The following SCFD1 variants were observed in gnomAD, a reference collection of about 807,000 sequenced individuals.
The protein encoded by SCFD1 is sec1 family domain-containing protein 1.
SCFD1 carries 37 observed loss-of-function variants against 103.2 expected under a neutral mutation model. The ratio of observed to expected loss-of-function variants is 0.36; its 90% CI spans 0.28 to 0.47. The LOEUF (loss-of-function observed/expected upper bound fraction) is 0.47, where lower values mean the gene tolerates loss of function less well. Ranked by LOEUF, SCFD1 falls within the 20% of genes least tolerant of loss-of-function variation. SCFD1 has a pLI of 1.00. For synonymous variants in SCFD1, 264 were observed against 245.0 expected, an observed-to-expected ratio of 1.08 and a Z score of -0.73; for missense variants, 639 against 761.2, an observed-to-expected ratio of 0.84 and a Z score of 1.89.
intron 3 of SCFD1, 141 bp from the exon 4 acceptor site, chr14:30,633,806 A>C (rs229154): frequency 0.42 from 197,430 of 471,410 alleles, 47,303 homozygotes; most frequent in African/African-American, 0.79. Context: ...TGGGAGAAAG[A>C]TAGGTTAACT....
intron 16 of SCFD1, among the ~76,000 whole-genome samples, chr14:30,701,922 T>A (rs919381215): frequency 3.3e-5 from 5 of 152,186 alleles, no homozygotes; most frequent in Non-Finnish European, 7.3e-5. Flanking sequence ...TCAGTTGGTG[T>A]CATTCCTCTT....
chr14:30,651,595 C>T (rs964369890), intron 9 of SCFD1, among the ~76,000 whole-genome samples: 1 of 150,848 alleles, frequency 6.6e-6, no homozygotes, highest in African/African-American at 2.5e-5. Context: ...GAACCAACCA[C>T]TGTGTCATAT....
chr14:30,644,226 C>T (rs1416775433), intron 7 of SCFD1, among the ~76,000 whole-genome samples: 1 of 152,192 alleles, frequency 6.6e-6, no homozygotes, highest in African/African-American at 2.4e-5. Flanking sequence ...ATGTGTATCA[C>T]AAATTGTTTA....
At chr14:30,678,527 A>G (rs1478373449) in intron 14 of SCFD1, among the ~76,000 whole-genome samples, 1 of 152,206 alleles carries the variant, frequency 6.6e-6, no homozygotes. Context: ...TACAAATGCA[A>G]CTTTCCCACT....
Position 30,628,094 on chromosome 14 carries a change from A to G in SCFD1, c.62-115A>G, listed in dbSNP as rs148553134. 1.2e-3 allele frequency: 812 copies of G among 653,512 alleles called. 6 individuals are homozygous for G. The African/African-American group carries it at 0.013, about 11-fold the overall frequency. 40.5% of individuals were successfully genotyped at this position (653,512 alleles called of 1,614,324 possible). On this transcript the variant is annotated intron_variant, in intron 1 of 24. Coordinates refer to ENST00000458591, the MANE Select transcript of SCFD1 (RefSeq NM_016106.4). ...TTCTACACATATAGTCATTTGGTTA[A>G]TCAGTTTTACTAGAGTTGATTAGTT... is the stretch of plus-strand genomic sequence containing the variant.
rs115440643 is a variant in SCFD1, at chr14:30,708,826, A to C, written c.1629+761A>C. Among the ~76,000 whole-genome samples the C allele has an allele frequency of 5.2e-3, 789 of 152,174 alleles. 8 individuals carry two copies. The highest frequency in any genetic ancestry group is 0.017 in the African/African-American group (725 of 41,520). ...CGCATTTTCTTTCTTTTAGTCCTTC[A>C]TTTTGTATATAGGACACTTTTAAAT... On this transcript the variant is annotated intron_variant, in intron 19 of 24. Transcript: ENST00000458591.
chr14:30,710,678 T>C (rs1891809306), intron 19 of SCFD1, among the ~76,000 whole-genome samples: 1 of 152,166 alleles, frequency 6.6e-6, no homozygotes, highest in Non-Finnish European at 1.5e-5. Context: ...GTAAAGAGTC[T>C]CTAGAAATAT....
At chr14:30,673,461 A>G in intron 12 of SCFD1, 114 bp downstream of exon 12, 1 of 515,200 alleles carries the variant, frequency 1.9e-6, no homozygotes, top group Non-Finnish European at 3.5e-6. Flanking sequence ...TGCTTTTATA[A>G]CAAAAATATT....
At chr14:30,630,610 A>G in intron 3 of SCFD1, 45 bp downstream of exon 3, 1 of 1,143,654 alleles carries the variant, frequency 8.7e-7, no homozygotes, top group Non-Finnish European at 1.3e-6. Flanking sequence ...TTTAAAGAAC[A>G]TTTATAGAGA....
At position 30,639,763 on chromosome 14, in the gene SCFD1, T is replaced by A. The variant is rs747267151; in HGVS notation, c.436-14T>A. Reference sequence around the variant, plus strand: ...TTGTAAGATTGATTTGTAAACCTTTTCTTTTGTTTCTAGGTTTTTGACCAA... The same window carrying A: ...TTGTAAGATTGATTTGTAAACCTTTACTTTTGTTTCTAGGTTTTTGACCAA... On this transcript the variant is annotated splice_polypyrimidine_tract_variant and intron_variant, in intron 5 of 24. Coordinates refer to ENST00000458591, the MANE Select transcript of SCFD1 (RefSeq NM_016106.4). 1 of 1,560,128 alleles carries A rather than the reference T, an allele frequency of 6.4e-7. No homozygotes were observed. The highest frequency in any genetic ancestry group is 2.0e-5 in the Admixed American group (1 of 50,604).
At chr14:30,644,459 C>T (rs1885604786) in intron 7 of SCFD1, among the ~76,000 whole-genome samples, 1 of 152,176 alleles carries the variant, frequency 6.6e-6, no homozygotes, top group African/African-American at 2.4e-5. Context: ...AATTTACATT[C>T]CTACCAACAG....
In SCFD1 at chr14:30,700,186, A is replaced by C; in HGVS notation, c.1340-2A>C. ...TTTTTTAACCTCTTTTCCCCTATGC[A>C]GCAGGAACTCCAGAAGATAAAATGA... On this transcript the variant is annotated splice_acceptor_variant, in intron 15 of 24. Coordinates refer to ENST00000458591, the MANE Select transcript of SCFD1 (RefSeq NM_016106.4). LOFTEE classifies it high-confidence loss of function. The C allele has an allele frequency of 6.2e-7, 1 of 1,605,628 alleles. No homozygotes were observed. The highest frequency in any genetic ancestry group is 1.7e-5 in the Admixed American group (1 of 59,876).
intron 19 of SCFD1, among the ~76,000 whole-genome samples, chr14:30,713,460 GA>G (rs1892039614): frequency 6.6e-6 from 1 of 152,090 alleles, no homozygotes; most frequent in Non-Finnish European, 1.5e-5. Context: ...AATTTTGCTG[GA>G]AAGAAATTTT....
intron 16 of SCFD1, 137 bp from the exon 17 acceptor site, chr14:30,702,159 A>T (rs1362299926): frequency 3.7e-6 from 2 of 536,508 alleles, no homozygotes; most frequent in African/African-American, 2.0e-5. Flanking sequence ...CTCACTTAAG[A>T]CGTGACTCCA....
chr14:30,710,209 A>G (rs1321534924), intron 19 of SCFD1, among the ~76,000 whole-genome samples: 1 of 151,918 alleles, frequency 6.6e-6, no homozygotes, highest in African/African-American at 2.4e-5. Flanking sequence ...TGTTTTTTTA[A>G]TATTGCAAAT....
At chr14:30,715,710 G>A (rs1892233113) in intron 19 of SCFD1, 1 of 440,446 alleles carries the variant, frequency 2.3e-6, no homozygotes, top group Non-Finnish European at 4.0e-6. Context: ...ATTTAAAGAA[G>A]CATTTTACTT....
chr14:30,698,612 G>GTA (rs1594723791), intron 15 of SCFD1, among the ~76,000 whole-genome samples: 1 of 152,270 alleles, frequency 6.6e-6, no homozygotes, highest in East Asian at 1.9e-4. Flanking sequence ...GGTCCCAAGC[G>GTA]GGTAGGACAA....
At chr14:30,724,589 C>T (rs929263455) in intron 23 of SCFD1, among the ~76,000 whole-genome samples, 2 of 152,000 alleles carry the variant, frequency 1.3e-5, no homozygotes, top group Non-Finnish European at 2.9e-5. Flanking sequence ...CTTATAGATG[C>T]GGGATATTAG....
intron 1 of SCFD1, among the ~76,000 whole-genome samples, chr14:30,624,128 T>C (rs926550106): frequency 2.0e-5 from 3 of 152,226 alleles, no homozygotes; most frequent in African/African-American, 7.2e-5. Flanking sequence ...AAAATCTTTA[T>C]TGATCTTTTG....
Sources: gnomAD v4.1 joint callset for allele counts (sites outside exome capture counted in the v4.1 genomes callset) on GRCh38, gnomAD v4.1.1 for gene constraint, MANE v1.5 for transcripts, NCBI Gene and HGNC (gene_info 2026-07-23, HGNC 2026-07-21) for gene names.